The following FMN2 variants were observed in gnomAD, a reference collection of about 807,000 sequenced individuals.
FMN2 encodes formin 2.
In FMN2, 51 loss-of-function variants were observed where a neutral mutation model predicts 142.3. That is an observed-to-expected ratio of 0.36 (90% CI 0.29 to 0.45). The LOEUF (loss-of-function observed/expected upper bound fraction) is 0.45, where lower values mean the gene tolerates loss of function less well. Ranked by LOEUF, FMN2 falls within the 20% of genes least tolerant of loss-of-function variation. FMN2 has a pLI of 1.00. For synonymous variants in FMN2, 882 were observed against 869.8 expected (o/e 1.01, Z -0.25); for missense variants, 1,936 against 2,122.8 (o/e 0.91, Z 1.73).
chr1:240,347,916 C>T (rs1572216757), intron 13 of FMN2, among the ~76,000 whole-genome samples: 1 of 152,108 alleles, frequency 6.6e-6, no homozygotes, highest in Non-Finnish European at 1.5e-5. Flanking sequence ...TGTATATGTA[C>T]CATATTTTCT....
chr1:240,383,246 A>AC, intron 14 of FMN2, among the ~76,000 whole-genome samples: 1 of 134,580 alleles, frequency 7.4e-6, no homozygotes. Flanking sequence ...ATGCAACAGA[A>AC]TAAAAAATAG....
chr1:240,130,292 G>C (rs553246890), intron 2 of FMN2, among the ~76,000 whole-genome samples: 1 of 152,030 alleles, frequency 6.6e-6, no homozygotes. Context: ...AAAGAATTTT[G>C]TGGTTTTATT....
At chr1:240,261,620 C>T (rs932296387) in intron 7 of FMN2, among the ~76,000 whole-genome samples, 5 of 152,146 alleles carry the variant, frequency 3.3e-5, no homozygotes, top group Non-Finnish European at 5.9e-5. Context: ...ACCACTTGCT[C>T]AGTCTGTTAT....
At chr1:240,273,269 T>TA (rs748681358) in intron 7 of FMN2, among the ~76,000 whole-genome samples, 1 of 152,200 alleles carries the variant, frequency 6.6e-6, no homozygotes, top group Non-Finnish European at 1.5e-5. Context: ...AGGGAACACT[T>TA]ACAGACATTA....
At chr1:240,196,117 G>A (rs556778784) in intron 4 of FMN2, among the ~76,000 whole-genome samples, 30 of 152,350 alleles carry the variant, frequency 2.0e-4, no homozygotes, top group African/African-American at 6.7e-4. Context: ...GGTCTTATGA[G>A]CCTAATAGAG....
At position 240,092,304 on chromosome 1, in the gene FMN2, G is replaced by A. The variant is rs2103155339; in HGVS notation, c.195G>A (p.Lys65=). The change falls in exon 1 of 18, where the codon AAG becomes AAA. Residue 65 remains lysine (K), a synonymous_variant. Coordinates refer to ENST00000319653, the MANE Select transcript of FMN2 (RefSeq NM_020066.5). The part of the protein sequence containing the change: ...GGGGGESGKK[K]SKSDSRASVF... ...GCGGCGGGGAGTCGGGCAAGAAGAA[G>A]AGCAAGTCCGACTCCAGAGCCTCGG... 6.3e-7 allele frequency: 1 copy of A among 1,599,478 alleles called. No homozygotes were observed. The highest frequency in any genetic ancestry group is 8.5e-7 in the Non-Finnish European group (1 of 1,171,518).
intron 2 of FMN2, among the ~76,000 whole-genome samples, chr1:240,138,468 G>A (rs1663045553): frequency 6.6e-6 from 1 of 152,048 alleles, no homozygotes; most frequent in Non-Finnish European, 1.5e-5. Context: ...GGGAGGCTGA[G>A]GCGGGCGGAT....
chr1:240,335,250 G>A (rs1417310072), intron 13 of FMN2, among the ~76,000 whole-genome samples: 1 of 152,206 alleles, frequency 6.6e-6, no homozygotes, highest in Non-Finnish European at 1.5e-5. Flanking sequence ...CGCTGTTGAA[G>A]AGGGCTGAAA....
intron 7 of FMN2, among the ~76,000 whole-genome samples, chr1:240,285,757 T>TCTAAAACA (rs1669568555): frequency 6.6e-6 from 1 of 152,152 alleles, no homozygotes; most frequent in African/African-American, 2.4e-5. Context: ...TTTCACAAGA[T>TCTAAAACA]CTAAAACACT....
At chr1:240,180,222 G>A (rs949553670) in intron 3 of FMN2, 1 of 1,243,280 alleles carries the variant, frequency 8.0e-7, no homozygotes, top group African/African-American at 1.5e-5. Flanking sequence ...TTCTCTTGTT[G>A]ATCTATAAAC....
In FMN2 at chr1:240,165,427, C is replaced by T. The variant is rs961848906; in HGVS notation, c.1783-12494C>T. Among the ~76,000 whole-genome samples, 11 of 152,180 alleles carry T rather than the reference C, an allele frequency of 7.2e-5. 1 individual carries two copies. The highest frequency in any genetic ancestry group is 1.2e-4 in the African/African-American group (5 of 41,520). On this transcript the variant is annotated intron_variant, in intron 2 of 17. Coordinates refer to ENST00000319653, the MANE Select transcript of FMN2 (RefSeq NM_020066.5). ...CTGGACTCAAGCAATCCTCCCAACT[C>T]GACCTCCCAAAAGTGTTGGCATGAC...
intron 14 of FMN2, among the ~76,000 whole-genome samples, chr1:240,361,212 C>T (rs952162191): frequency 5.1e-5 from 7 of 138,256 alleles, no homozygotes; most frequent in South Asian, 2.4e-4. Flanking sequence ...GAAAAAAACA[C>T]GACACGAAGA....
At chr1:240,178,778 G>C (rs1215285807) in intron 3 of FMN2, among the ~76,000 whole-genome samples, 1 of 152,128 alleles carries the variant, frequency 6.6e-6, no homozygotes, top group Non-Finnish European at 1.5e-5. Context: ...CCTCCTGGTG[G>C]ACTGACCAGG....
At chr1:240,451,338 G>A (rs768054416) in intron 16 of FMN2, among the ~76,000 whole-genome samples, 19 of 150,212 alleles carry the variant, frequency 1.3e-4, no homozygotes, top group South Asian at 6.3e-4. Context: ...TAGACTGGGT[G>A]ACAGAGCAAG....
chr1:240,305,249 A>C (rs1670345692), intron 8 of FMN2, among the ~76,000 whole-genome samples: 1 of 152,158 alleles, frequency 6.6e-6, no homozygotes, highest in Admixed American at 6.5e-5. Context: ...CTTGGACAAC[A>C]TAGTCTGTGT....
chr1:240,205,712 C>T (rs757829376), intron 4 of FMN2, among the ~76,000 whole-genome samples: 15 of 151,958 alleles, frequency 9.9e-5, no homozygotes, highest in East Asian at 1.9e-4. Context: ...CCACCCGCCT[C>T]GGCCTCCCAA....
chr1:240,228,410 C>T (rs1315963557), intron 6 of FMN2, among the ~76,000 whole-genome samples: 6 of 150,140 alleles, frequency 4.0e-5, no homozygotes, highest in Non-Finnish European at 8.9e-5. Flanking sequence ...GTATACCACT[C>T]TCAAATAAGC....
chr1:240,387,367 C>G (rs186619194), intron 14 of FMN2, among the ~76,000 whole-genome samples: 9 of 152,300 alleles, frequency 5.9e-5, no homozygotes, highest in African/African-American at 1.9e-4. Flanking sequence ...GAGGATTAAG[C>G]ATTTTTTAAA....
intron 6 of FMN2, among the ~76,000 whole-genome samples, chr1:240,248,925 AT>A (rs1231196912): frequency 6.6e-6 from 1 of 151,760 alleles, no homozygotes; most frequent in African/African-American, 2.4e-5. Flanking sequence ...TGAATTATTT[AT>A]TTATTTATTT....
Sources: allele counts gnomAD v4.1 joint callset (sites outside exome capture counted in the v4.1 genomes callset), GRCh38; gene constraint gnomAD v4.1.1; transcripts MANE v1.5; gene names NCBI Gene and HGNC (gene_info 2026-07-23, HGNC 2026-07-21).